RPH3A: variants seen among roughly 807,000 people sequenced by gnomAD.
RPH3A encodes the protein rabphilin 3A.
A neutral mutation model predicts 102.2 loss-of-function variants in RPH3A; 48 were observed. That is an observed-to-expected ratio of 0.47 (90% CI 0.37 to 0.60). The LOEUF is 0.60. Ranked by LOEUF, RPH3A falls within the 20% of genes least tolerant of loss-of-function variation. The pLI is 0.00. For missense variants in RPH3A, 781 were observed against 910.1 expected, an observed-to-expected ratio of 0.86 and a Z score of 1.83; for synonymous variants, 310 against 324.3, an observed-to-expected ratio of 0.96 and a Z score of 0.47.
intron 14 of RPH3A, among the ~76,000 whole-genome samples, chr12:112,880,295 G>C (rs771755474): frequency 1.3e-5 from 2 of 152,062 alleles, no homozygotes; most frequent in Non-Finnish European, 2.9e-5. Context: ...AGGATTTATT[G>C]GACACCTATT....
intron 5 of RPH3A, among the ~76,000 whole-genome samples, chr12:112,851,549 G>A (rs1007906249): frequency 6.6e-6 from 1 of 152,172 alleles, no homozygotes; most frequent in Admixed American, 6.5e-5. Context: ...GGAGAGAAAT[G>A]CCCTCAGGCT....
intron 1 of RPH3A, among the ~76,000 whole-genome samples, chr12:112,575,905 C>T (rs2039355942): frequency 1.3e-5 from 2 of 152,174 alleles, no homozygotes; most frequent in Non-Finnish European, 2.9e-5. Context: ...GGCGTCTCCG[C>T]CCCTCACCCC....
At chr12:112,754,288 T>C (rs1195676039) in intron 1 of RPH3A, among the ~76,000 whole-genome samples, 1 of 152,236 alleles carries the variant, frequency 6.6e-6, no homozygotes. Flanking sequence ...TGTGTGTGTG[T>C]GTTTTTAAAC....
intron 12 of RPH3A, among the ~76,000 whole-genome samples, chr12:112,876,243 C>T (rs990630020): frequency 6.6e-6 from 1 of 152,124 alleles, no homozygotes; most frequent in Non-Finnish European, 1.5e-5. Context: ...TTTGCTTTCT[C>T]AGGCATCAGG....
chr12:112,693,740 C>G (rs978718923), intron 1 of RPH3A, among the ~76,000 whole-genome samples: 1 of 152,142 alleles, frequency 6.6e-6, no homozygotes, highest in Non-Finnish European at 1.5e-5. Flanking sequence ...TAGTGATGCC[C>G]CCTGCTCCTC....
At chr12:112,650,476 A>G (rs564523294) in intron 1 of RPH3A, among the ~76,000 whole-genome samples, 1 of 152,286 alleles carries the variant, frequency 6.6e-6, no homozygotes, top group Admixed American at 6.5e-5. Context: ...CAGATTGGGT[A>G]GGAAGAAGCC....
chr12:112,838,008 G>T (rs1467697940), intron 4 of RPH3A, among the ~76,000 whole-genome samples: 1 of 151,668 alleles, frequency 6.6e-6, no homozygotes, highest in South Asian at 2.1e-4. Context: ...CAAGTATAAA[G>T]ATATGTCTAG....
At chr12:112,865,977 G>C (rs1317020129) in intron 6 of RPH3A, among the ~76,000 whole-genome samples, 1 of 152,208 alleles carries the variant, frequency 6.6e-6, no homozygotes, top group Admixed American at 6.5e-5. Flanking sequence ...AGCCAAGTTA[G>C]AATTATTTGG....
At chr12:112,758,836 A>G (rs1035236646) in intron 1 of RPH3A, among the ~76,000 whole-genome samples, 65 of 152,348 alleles carry the variant, frequency 4.3e-4, no homozygotes, top group African/African-American at 1.6e-3. Context: ...TAGGTGTAAC[A>G]CAGTATTAAT....
intron 1 of RPH3A, among the ~76,000 whole-genome samples, chr12:112,707,594 C>T (rs1462322809): frequency 1.3e-5 from 2 of 152,222 alleles, no homozygotes; most frequent in East Asian, 1.9e-4. Flanking sequence ...AGCATATTGC[C>T]TATCTCTGTG....
chr12:112,784,709 G>A (rs1304947703), intron 1 of RPH3A, among the ~76,000 whole-genome samples: 4 of 152,192 alleles, frequency 2.6e-5, no homozygotes, highest in Middle Eastern at 6.3e-3. Context: ...ATAATGTAGG[G>A]TGGACACAGG....
intron 4 of RPH3A, among the ~76,000 whole-genome samples, chr12:112,836,861 A>C (rs2042059774): frequency 6.6e-6 from 1 of 152,200 alleles, no homozygotes; most frequent in Non-Finnish European, 1.5e-5. Flanking sequence ...TGTTAACTCT[A>C]ATAACTGCTA....
At chr12:112,805,040 C>A (rs916709861) in intron 2 of RPH3A, among the ~76,000 whole-genome samples, 1 of 151,882 alleles carries the variant, frequency 6.6e-6, no homozygotes, top group East Asian at 1.9e-4. Context: ...AAAAAACAAA[C>A]AAACAAACAA....
chr12:112,870,073 C>G, intron 10 of RPH3A, 34 bp downstream of exon 10: 1 of 1,580,658 alleles, frequency 6.3e-7, no homozygotes, highest in Non-Finnish European at 8.6e-7. Context: ...AGACAGTTCT[C>G]TGGATAGGGA....
At chr12:112,632,022 G>A (rs1246058044) in intron 1 of RPH3A, among the ~76,000 whole-genome samples, 1 of 152,144 alleles carries the variant, frequency 6.6e-6, no homozygotes, top group Non-Finnish European at 1.5e-5. Context: ...GAGGAACCTG[G>A]TGGGAGATGA....
chr12:112,748,525 G>C (rs188827208), intron 1 of RPH3A, among the ~76,000 whole-genome samples: 3 of 152,022 alleles, frequency 2.0e-5, no homozygotes, highest in Non-Finnish European at 4.4e-5. Context: ...GTAGAGATGG[G>C]GGCCTTACTA....
chr12:112,627,228 A>T (rs1013882329), intron 1 of RPH3A, among the ~76,000 whole-genome samples: 1 of 151,776 alleles, frequency 6.6e-6, no homozygotes, highest in South Asian at 2.1e-4. Context: ...TTTAAAAAAA[A>T]TATTTGTATT....
At chr12:112,686,911 T>G (rs2040268832) in intron 1 of RPH3A, among the ~76,000 whole-genome samples, 2 of 152,092 alleles carry the variant, frequency 1.3e-5, no homozygotes. Context: ...GTGGGAGGAT[T>G]GCTTGAGCCC....
At position 112,698,855 on chromosome 12, in the gene RPH3A, T is replaced by TCCTTCC. The variant is rs575847434; in HGVS notation, c.-139-93263_-139-93258dup. On this transcript the variant is annotated intron_variant, in intron 1 of 21. Transcript: ENST00000543106. ...CTCCTTCCCCTTTTCCTTCTCCTTC[T>TCCTTCC]CCTTCCCCTTCCCCTTCCCCTTCCC... Among the ~76,000 whole-genome samples, 352 of 149,330 alleles carry TCCTTCC rather than the reference T, an allele frequency of 2.4e-3. 3 individuals carry two copies. The highest frequency in any genetic ancestry group is 7.9e-3 in the African/African-American group (314 of 39,696).
Sources: gnomAD v4.1 joint callset for allele counts (sites outside exome capture counted in the v4.1 genomes callset) on GRCh38, gnomAD v4.1.1 for gene constraint, MANE v1.5 for transcripts, NCBI Gene and HGNC (gene_info 2026-07-23, HGNC 2026-07-21) for gene names.